NPHP3: variants seen among roughly 807,000 people sequenced by gnomAD.
The protein encoded by NPHP3 is nephrocystin-3.
In NPHP3, 123 loss-of-function variants were observed where a neutral mutation model predicts 171.9. That is an observed-to-expected ratio of 0.72 (90% CI 0.62 to 0.83). The LOEUF (loss-of-function observed/expected upper bound fraction) is 0.83, where lower values mean the gene tolerates loss of function less well. Ranked by LOEUF, NPHP3 falls within the 40% of genes least tolerant of loss-of-function variation. The probability of loss-of-function intolerance (pLI) is 0.00; values close to 1 mark genes in which losing one functional copy is unlikely to be tolerated. For missense variants in NPHP3, 1,506 were observed against 1,591.9 expected (o/e 0.95, Z 0.92); for synonymous variants, 558 against 579.2 (o/e 0.96, Z 0.52).
intron 12 of NPHP3, 79 bp from the exon 13 acceptor site, chr3:132,699,529 T>A: frequency 1.1e-6 from 1 of 933,440 alleles, no homozygotes; most frequent in Non-Finnish European, 1.7e-6. Context: ...CCAAATAAAA[T>A]GAAATTCTCA....
intron 24 of NPHP3, among the ~76,000 whole-genome samples, 186 bp from the exon 25 acceptor site, chr3:132,683,710 A>G (rs553264305): frequency 6.6e-6 from 1 of 152,358 alleles, no homozygotes; most frequent in Non-Finnish European, 1.5e-5. Context: ...CACTGTATAG[A>G]AAAGCATTTT....
chr3:132,718,176 A>T (rs2108001759), intron 3 of NPHP3: 1 of 425,638 alleles, frequency 2.3e-6, no homozygotes, highest in South Asian at 1.7e-5. Flanking sequence ...AAATGCATCC[A>T]TTTGTGAGAA....
In NPHP3 at chr3:132,694,888, A is replaced by C; in HGVS notation, c.2249T>G (p.Leu750Arg). Residue 750 changes from leucine to arginine, a missense_variant, in exon 16 of 27, where the codon CTT becomes CGT. By Grantham distance (102) the Leu-to-Arg change is moderately radical. Transcript: ENST00000337331. ...QCQDTLSLYR[L>R]VLHSIRESMA... The stretch of plus-strand genomic sequence containing the variant: ...GGACTCCCGGATAGAGTGCAGAACA[A>C]GTCTATATAATGAAAGAGTATCTTG... 3 of 1,613,836 alleles carry C rather than the reference A, an allele frequency of 1.9e-6. No homozygotes were observed. The highest frequency in any genetic ancestry group is 2.5e-6 in the Non-Finnish European group (3 of 1,179,860).
At chr3:132,698,523 C>T (rs1215306873) in intron 13 of NPHP3, among the ~76,000 whole-genome samples, 3 of 152,084 alleles carry the variant, frequency 2.0e-5, no homozygotes, top group Admixed American at 6.6e-5. Flanking sequence ...GTGATCCACC[C>T]GCCCTGGCCT....
chr3:132,686,237 A>G, intron 23 of NPHP3, 23 bp downstream of exon 23: 1 of 1,609,988 alleles, frequency 6.2e-7, no homozygotes, highest in Non-Finnish European at 8.5e-7. Context: ...AATTATTTTC[A>G]TTATTAACCC....
chr3:132,683,524 C>T lies in NPHP3; in HGVS notation c.3571G>A (p.Gly1191Arg). ...KHLAILYKKMGKLDKAVPLYE... is the reference protein window; with the variant it reads ...KHLAILYKKMRKLDKAVPLYE... ...AAAGGTACAGCTTTGTCAAGTTTCC[C>T]CTAAAAAACAAGAGTTAAATCTAAC... Residue 1191 changes from glycine to arginine, a missense_variant and splice_region_variant, in exon 25 of 27, where the codon GGG becomes AGG. Physicochemically the swap from Gly to Arg is moderately radical, Grantham distance 125 (BLOSUM62 -2). Coordinates refer to ENST00000337331, the MANE Select transcript of NPHP3 (RefSeq NM_153240.5). The T allele has an allele frequency of 6.2e-7, 1 of 1,611,154 alleles. No homozygotes were observed. Among genetic ancestry groups the T allele is most frequent in the Non-Finnish European group, 8.5e-7 (1 of 1,178,180 alleles).
chr3:132,700,090 A>C (rs1179059088), intron 11 of NPHP3, 29 bp from the exon 12 acceptor site: 1 of 1,612,946 alleles, frequency 6.2e-7, no homozygotes, highest in Non-Finnish European at 8.5e-7. Context: ...CACAAACTGA[A>C]GTAGTTACAC....
chr3:132,688,994 C>G (rs1386333431), intron 20 of NPHP3, 80 bp downstream of exon 20: 13 of 1,611,220 alleles, frequency 8.1e-6, no homozygotes, highest in South Asian at 7.7e-5. Context: ...ATGAAAACCA[C>G]ATTAACATCT....
At chr3:132,701,685 C>G in intron 9 of NPHP3, 152 bp from the exon 10 acceptor site, 1 of 631,430 alleles carries the variant, frequency 1.6e-6, no homozygotes. Context: ...TAATTGCCTA[C>G]TTTTATGGCT....
At chr3:132,697,226 A>T in intron 14 of NPHP3, 34 bp downstream of exon 14, 1 of 1,298,578 alleles carries the variant, frequency 7.7e-7, no homozygotes, top group Non-Finnish European at 1.1e-6. Flanking sequence ...AAGATGAGAG[A>T]GTAAAAGATT....
At chr3:132,698,492 G>A (rs1939517322) in intron 13 of NPHP3, among the ~76,000 whole-genome samples, 1 of 151,934 alleles carries the variant, frequency 6.6e-6, no homozygotes, top group African/African-American at 2.4e-5. Flanking sequence ...GGCCAGGTTG[G>A]TCTTGAACTC....
At position 132,681,430 on chromosome 3, in the gene NPHP3, A is replaced by AT. The variant is rs1313308348; in HGVS notation, c.*479dup. On this transcript the variant is annotated 3_prime_UTR_variant, in exon 27 of 27. Coordinates refer to ENST00000337331, the MANE Select transcript of NPHP3 (RefSeq NM_153240.5). ...AGGCATGCGCCACCAGGTCCAGCTA[A>AT]TTTTTTTTTGTATTTTTAGTAGAGA... The AT allele has an allele frequency of 1.7e-4, 30 of 173,008 alleles. No homozygotes were observed. The highest frequency in any genetic ancestry group is 3.8e-4 in the South Asian group (3 of 7,836). 10.7% of individuals were successfully genotyped at this position (173,008 alleles called of 1,614,324 possible).
rs16839515 is a variant in NPHP3, at chr3:132,690,611, C to T, written c.2610G>A (p.Pro870=). The change falls in exon 19 of 27, where the codon CCG becomes CCA. Residue 870 remains proline, a synonymous_variant. Transcript: ENST00000337331. ...RVTWRSADEL[P]WLFQQQGSKQ... ...TACTTCCCTGCTGCTGAAAAAGCCA[C>T]GGGAGTTCATCTGCACTTCTCCAAG... The T allele has an allele frequency of 0.023, 36,627 of 1,613,574 alleles. 835 individuals carry two copies. The highest frequency in any genetic ancestry group is 0.1 in the African/African-American group (7,751 of 74,910).
intron 10 of NPHP3, 57 bp from the exon 11 acceptor site, chr3:132,700,505 A>C (rs1048039089): frequency 1.9e-6 from 2 of 1,072,196 alleles, no homozygotes; most frequent in Non-Finnish European, 2.8e-6. Context: ...ACTGTCAATA[A>C]AAAAAGAATT....
intron 1 of NPHP3, 71 bp from the exon 2 acceptor site, chr3:132,719,901 T>G: frequency 1.0e-5 from 6 of 590,828 alleles, no homozygotes; most frequent in African/African-American, 2.9e-5. Flanking sequence ...CTTATATATA[T>G]ACATATATAT....
At chr3:132,683,566 A>G (rs1174200415) in intron 24 of NPHP3, 42 bp from the exon 25 acceptor site, 1 of 1,525,744 alleles carries the variant, frequency 6.6e-7, no homozygotes, top group Non-Finnish European at 9.1e-7. Context: ...ATAAGGCAAT[A>G]AATACTATCT....
intron 9 of NPHP3, among the ~76,000 whole-genome samples, chr3:132,703,170 G>A (rs1012595396): frequency 2.0e-5 from 3 of 152,200 alleles, no homozygotes; most frequent in Non-Finnish European, 2.9e-5. Flanking sequence ...GGTACTATTA[G>A]TTATTCTCAT....
chr3:132,705,743 T>C lies in NPHP3; in HGVS notation c.1347A>G (p.Lys449=). Residue 449 remains lysine, a synonymous_variant, in exon 8 of 27, where the codon AAA becomes AAG. Coordinates refer to ENST00000337331, the MANE Select transcript of NPHP3 (RefSeq NM_153240.5). ...KTYICVEKII[K]QDILGFENTD... ...CTTACAGAGAATGCATATTTACCTG[T>C]TTAATAATCTTTTCTACACAAATAT... The C allele has an allele frequency of 7.3e-7, 1 of 1,361,010 alleles. No homozygotes were observed. Among genetic ancestry groups the C allele is most frequent in the Non-Finnish European group, 1.1e-6 (1 of 951,892 alleles). The allele number at this position is 1,361,010 out of a possible 1,614,324, so 84.3% of individuals were successfully genotyped here. A position where few individuals can be genotyped will look rare whatever the true frequency, so the allele number is the denominator to read the frequency against.
Position 132,684,647 on chromosome 3 carries a change from T to C in NPHP3, c.3477A>G (p.Glu1159=). The change falls in exon 24 of 27, where the codon GAA becomes GAG. Residue 1159 remains glutamate, a synonymous_variant. Coordinates refer to ENST00000337331, the MANE Select transcript of NPHP3 (RefSeq NM_153240.5). ...KQYDKAEELY[E]RALDIRRRAL... ...CACGTCTCCGAATATCTAAAGCTCTTTCATAAAGTTCTTCTGCTTTATCAT... is the reference window on the plus strand; with the variant it reads ...CACGTCTCCGAATATCTAAAGCTCTCTCATAAAGTTCTTCTGCTTTATCAT... 2 of 1,614,120 alleles carry C rather than the reference T, an allele frequency of 1.2e-6. No individual in the cohort carries two copies. Among genetic ancestry groups the C allele is most frequent in the Non-Finnish European group, 1.7e-6 (2 of 1,179,988 alleles).
Sources: gnomAD v4.1 joint callset for allele counts (sites outside exome capture counted in the v4.1 genomes callset) on GRCh38, gnomAD v4.1.1 for gene constraint, MANE v1.5 for transcripts, NCBI Gene and HGNC (gene_info 2026-07-23, HGNC 2026-07-21) for gene names.